VPS37A: variants seen among roughly 807,000 people sequenced by gnomAD.
VPS37A encodes VPS37A subunit of ESCRT-I.
VPS37A carries 30 observed loss-of-function variants against 49.8 expected under a neutral mutation model. The observed-to-expected ratio is 0.60, with a 90% CI of 0.45 to 0.82. The LOEUF (loss-of-function observed/expected upper bound fraction) is 0.82. Among genes scored for constraint, VPS37A ranks in the 40% least tolerant of loss-of-function variants. The pLI, the probability that VPS37A is intolerant of heterozygous loss-of-function variation, is 0.00. For missense variants in VPS37A, 593 were observed against 464.4 expected (o/e 1.28, Z -2.55); for synonymous variants, 195 against 160.6 (o/e 1.21, Z -1.62).
chr8:17,300,516 A>G (rs1817044097), downstream of VPS37A, among the ~76,000 whole-genome samples: 1 of 152,190 alleles, frequency 6.6e-6, no homozygotes, highest in African/African-American at 2.4e-5. Flanking sequence ...TTCTATACCT[A>G]CATGGTTTCA....
chr8:17,247,982 C>G (rs909086951), intron 1 of VPS37A: 1 of 560,976 alleles, frequency 1.8e-6, no homozygotes, highest in African/African-American at 1.9e-5. Flanking sequence ...TCCCCACGCT[C>G]AAGAATTACT....
At chr8:17,260,510 G>A (rs557345038) in intron 1 of VPS37A, among the ~76,000 whole-genome samples, 3 of 152,246 alleles carry the variant, frequency 2.0e-5, no homozygotes, top group Non-Finnish European at 2.9e-5. Flanking sequence ...TACAGTATTA[G>A]AGGATTCTGG....
At chr8:17,332,157 C>T in the VPS37A span, among the ~76,000 whole-genome samples, 1 of 152,206 alleles carries the variant, frequency 6.6e-6, no homozygotes, top group South Asian at 2.1e-4. Flanking sequence ...CCATTCTCCT[C>T]CTCCACCCAC....
chr8:17,248,232 A>C (rs1811551684), intron 1 of VPS37A: 1 of 427,148 alleles, frequency 2.3e-6, no homozygotes, highest in Admixed American at 2.8e-5. Flanking sequence ...TTTTAAATAA[A>C]GATGACAACA....
chr8:17,301,803 A>G (rs1817133179), downstream of VPS37A: 17 of 299,042 alleles, frequency 5.7e-5, no homozygotes, highest in East Asian at 1.0e-3. Flanking sequence ...GTGGGGAAAG[A>G]GTTTTACAAG....
chr8:17,247,154 GCTC>G lies in VPS37A; in HGVS notation c.-87_-85del, dbSNP rs1236853304. ...GCTTGGGCCACGGACGTCCCACCCC[GCTC>G]CTCTGTCGCTGGAGAACCGCCGGGC... On this transcript the variant is annotated 5_prime_UTR_variant, in exon 1 of 12. Coordinates refer to ENST00000324849, the MANE Select transcript of VPS37A (RefSeq NM_152415.3). The G allele has an allele frequency of 2.0e-6, 3 of 1,527,936 alleles. No individual in the cohort carries two copies. In the African/African-American group the frequency reaches 4.1e-5, roughly 21 times the overall value. 94.6% of individuals were successfully genotyped at this position (1,527,936 alleles called of 1,614,324 possible).
At chr8:17,306,108 A>G, downstream of VPS37A, 1 of 666,280 alleles carries the variant, frequency 1.5e-6, no homozygotes, top group South Asian at 2.4e-5. Context: ...AAAAGTTAAG[A>G]TTTTAAATTC....
Position 17,274,925 on chromosome 8 carries a change from A to G in VPS37A, c.609A>G (p.Pro203=), listed in dbSNP as rs767505946. The change falls in exon 5 of 12, where the codon CCA becomes CCG. Residue 203 remains proline (P), a synonymous_variant. Coordinates refer to ENST00000324849, the MANE Select transcript of VPS37A (RefSeq NM_152415.3). ...CATTTGGTGTCCTTTCAAATCTGCC[A>G]TTACCCATTCCCACAGTGGATGCTT... The part of the protein sequence containing the change: ...APSFGVLSNL[P]LPIPTVDASI... 8.1e-6 allele frequency: 13 copies of G among 1,614,048 alleles called. No individual in the cohort carries two copies. The highest frequency in any genetic ancestry group is 2.2e-5 in the East Asian group (1 of 44,882).
intron 11 of VPS37A, among the ~76,000 whole-genome samples, chr8:17,293,207 C>T (rs1411983906): frequency 1.3e-5 from 2 of 151,650 alleles, no homozygotes; most frequent in Admixed American, 1.3e-4. Context: ...AATTGATCTT[C>T]AGTCTCTGAT....
chr8:17,310,164 A>AT, the VPS37A span, among the ~76,000 whole-genome samples: 170 of 151,050 alleles, frequency 1.1e-3, no homozygotes, highest in Middle Eastern at 3.4e-3. Flanking sequence ...CACCTGGCTA[A>AT]TTTTTTTTTA....
At chr8:17,259,270 C>G in intron 1 of VPS37A, among the ~76,000 whole-genome samples, 1 of 151,998 alleles carries the variant, frequency 6.6e-6, no homozygotes. Context: ...TTGGTGTGTT[C>G]TATTTCCATT....
intron 1 of VPS37A, among the ~76,000 whole-genome samples, chr8:17,254,693 C>G (rs1237354030): frequency 6.6e-6 from 1 of 151,782 alleles, no homozygotes; most frequent in Non-Finnish European, 1.5e-5. Flanking sequence ...TCAGTTTGCT[C>G]AAAATTTATC....
chr8:17,296,804 C>G lies in VPS37A; in HGVS notation c.*1818C>G, dbSNP rs1053494349. 4 of 152,120 alleles carry G rather than the reference C, an allele frequency of 2.6e-5. No homozygotes were observed. The allele number at this position is 152,120 out of a possible 1,614,324, so 9.4% of individuals were successfully genotyped here. On this transcript the variant is annotated 3_prime_UTR_variant, in exon 12 of 12. Coordinates refer to ENST00000324849, the MANE Select transcript of VPS37A (RefSeq NM_152415.3). The stretch of plus-strand genomic sequence containing the variant: ...ACATAATCACATGAGTAGTTCATCT[C>G]AGTGTTTTTTATTCTTTAAAGTTGA...
intron 1 of VPS37A, among the ~76,000 whole-genome samples, chr8:17,261,927 C>G (rs1030391408): frequency 5.9e-5 from 9 of 152,204 alleles, no homozygotes; most frequent in African/African-American, 2.2e-4. Context: ...TTGTCTCTGG[C>G]TGTCCTCAGG....
chr8:17,252,083 AC>A (rs965865464), intron 1 of VPS37A, among the ~76,000 whole-genome samples: 2 of 151,990 alleles, frequency 1.3e-5, no homozygotes, highest in Non-Finnish European at 2.9e-5. Context: ...CTGTGTTTCA[AC>A]CCGTCGCATG....
the VPS37A span, among the ~76,000 whole-genome samples, chr8:17,320,460 G>C: frequency 1.3e-5 from 2 of 152,104 alleles, no homozygotes; most frequent in African/African-American, 4.8e-5. Flanking sequence ...AGAAGGGAGA[G>C]CTGGCTTAAA....
At chr8:17,321,173 T>C in the VPS37A span, among the ~76,000 whole-genome samples, 2 of 152,210 alleles carry the variant, frequency 1.3e-5, no homozygotes, top group African/African-American at 2.4e-5. Flanking sequence ...CCACAAGGCA[T>C]GGAAATGACT....
At chr8:17,263,214 A>T (rs1182374342) in intron 1 of VPS37A, among the ~76,000 whole-genome samples, 1 of 152,184 alleles carries the variant, frequency 6.6e-6, no homozygotes, top group African/African-American at 2.4e-5. Flanking sequence ...AGTTTAGAAG[A>T]TTATAGAGCA....
chr8:17,280,666 A>C (rs1814974101), intron 9 of VPS37A, among the ~76,000 whole-genome samples: 1 of 152,028 alleles, frequency 6.6e-6, no homozygotes. Flanking sequence ...GAAAATTATG[A>C]CAGGCCCTGA....
Sources: allele counts gnomAD v4.1 joint callset (sites outside exome capture counted in the v4.1 genomes callset), GRCh38; gene constraint gnomAD v4.1.1; transcripts MANE v1.5; gene names NCBI Gene and HGNC (gene_info 2026-07-23, HGNC 2026-07-21).